The following PTPRM variants were observed in gnomAD, a reference collection of about 807,000 sequenced individuals.
PTPRM encodes protein tyrosine phosphatase receptor type M.
PTPRM carries 47 observed loss-of-function variants against 186.7 expected under a neutral mutation model. The observed-to-expected ratio is 0.25, with a 90% CI of 0.20 to 0.32. PTPRM has a LOEUF of 0.32. Ranked by LOEUF, PTPRM falls within the 10% of genes least tolerant of loss-of-function variation. The pLI, the probability that PTPRM is intolerant of heterozygous loss-of-function variation, is 1.00. For missense variants in PTPRM, 1,494 were observed against 1,865.0 expected, an observed-to-expected ratio of 0.80 and a Z score of 3.66; for synonymous variants, 668 against 674.9, an observed-to-expected ratio of 0.99 and a Z score of 0.16.
chr18:7,625,155 A>C (rs2038031035), intron 1 of PTPRM, among the ~76,000 whole-genome samples: 1 of 152,356 alleles, frequency 6.6e-6, no homozygotes, highest in East Asian at 1.9e-4. Flanking sequence ...AAGCTTTTAG[A>C]AGACTAAGAA....
At chr18:8,153,360 C>T (rs1040181274) in intron 14 of PTPRM, among the ~76,000 whole-genome samples, 7 of 152,064 alleles carry the variant, frequency 4.6e-5, no homozygotes, top group East Asian at 1.9e-4. Context: ...CTCTGGTAGT[C>T]GTTGAGGTTA....
At chr18:7,988,297 A>G (rs1033330815) in intron 7 of PTPRM, among the ~76,000 whole-genome samples, 15 of 152,224 alleles carry the variant, frequency 9.9e-5, no homozygotes, top group Non-Finnish European at 1.9e-4. Context: ...AGTTTTTGGT[A>G]AAATTAACAT....
At chr18:7,639,407 A>T (rs2038393837) in intron 1 of PTPRM, among the ~76,000 whole-genome samples, 2 of 133,502 alleles carry the variant, frequency 1.5e-5, no homozygotes, top group African/African-American at 3.0e-5. Flanking sequence ...TTTTTTTGAG[A>T]TGAAGTCTCG....
intron 7 of PTPRM, among the ~76,000 whole-genome samples, chr18:8,049,962 C>T (rs978116254): frequency 2.6e-5 from 4 of 152,118 alleles, no homozygotes; most frequent in Non-Finnish European, 4.4e-5. Flanking sequence ...CCACCCACCT[C>T]GGCCTCCCAA....
intron 1 of PTPRM, among the ~76,000 whole-genome samples, chr18:7,608,698 G>A (rs376486404): frequency 9.2e-5 from 14 of 152,256 alleles, no homozygotes; most frequent in African/African-American, 2.2e-4. Context: ...CCATTCTTGC[G>A]TCCCATTCTT....
At chr18:7,994,535 G>A (rs754829794) in intron 7 of PTPRM, among the ~76,000 whole-genome samples, 4 of 152,012 alleles carry the variant, frequency 2.6e-5, no homozygotes, top group African/African-American at 9.7e-5. Flanking sequence ...CCTTCTTCTC[G>A]TCAGCACGTG....
rs1475535470 is a variant in PTPRM, at chr18:8,146,202, T to C, written c.2300+2423T>C. On this transcript the variant is annotated intron_variant, in intron 14 of 32. Coordinates refer to ENST00000580170, the MANE Select transcript of PTPRM (RefSeq NM_001105244.2). ...TGCCACCACGCTAATTTTTGTATTT[T>C]TAGTAGAGACAGGGTTTCTCCATGT... is the stretch of plus-strand genomic sequence containing the variant. 3.3e-5 allele frequency among the ~76,000 whole-genome samples: 5 copies of C among 152,114 alleles called. No individual in the cohort carries two copies. In the East Asian group the frequency reaches 9.6e-4, roughly 29 times the overall value.
intron 2 of PTPRM, among the ~76,000 whole-genome samples, chr18:7,843,971 T>C (rs2046471191): frequency 6.6e-6 from 1 of 152,194 alleles, no homozygotes; most frequent in South Asian, 2.1e-4. Flanking sequence ...GGCCTCTTCA[T>C]GTGGTCTGGG....
At chr18:8,268,217 T>C (rs2094725951) in intron 19 of PTPRM, among the ~76,000 whole-genome samples, 2 of 152,266 alleles carry the variant, frequency 1.3e-5, no homozygotes, top group African/African-American at 4.8e-5. Context: ...ATTAATATGG[T>C]TTATGCCTCC....
At chr18:8,125,775 C>G (rs986928912) in intron 13 of PTPRM, among the ~76,000 whole-genome samples, 1 of 151,672 alleles carries the variant, frequency 6.6e-6, no homozygotes, top group African/African-American at 2.4e-5. Flanking sequence ...CTCTTTCTTC[C>G]TTTTATCTCG....
chr18:8,360,265 G>A (rs1410833522), intron 23 of PTPRM, among the ~76,000 whole-genome samples: 1 of 152,172 alleles, frequency 6.6e-6, no homozygotes, highest in Non-Finnish European at 1.5e-5. Flanking sequence ...CACTGAAAGT[G>A]CCTGCCACAT....
intron 26 of PTPRM, chr18:8,378,051 C>T (rs1403846790): frequency 8.0e-6 from 4 of 497,964 alleles, no homozygotes; most frequent in South Asian, 3.2e-5. Context: ...TGCTGCAGTG[C>T]GTGTGGTGGT....
chr18:7,690,936 T>A (rs1316712185), intron 1 of PTPRM, among the ~76,000 whole-genome samples: 1 of 152,176 alleles, frequency 6.6e-6, no homozygotes, highest in Non-Finnish European at 1.5e-5. Flanking sequence ...TTCTTTGGGT[T>A]TTTTTGGAAT....
chr18:8,125,821 A>G (rs1474067741), intron 13 of PTPRM, among the ~76,000 whole-genome samples: 1 of 151,692 alleles, frequency 6.6e-6, no homozygotes, highest in Non-Finnish European at 1.5e-5. Flanking sequence ...TGATTTGGGA[A>G]GAAAGTAGAA....
intron 1 of PTPRM, among the ~76,000 whole-genome samples, chr18:7,632,048 G>T (rs868492878): frequency 2.0e-5 from 3 of 152,174 alleles, no homozygotes; most frequent in Admixed American, 1.3e-4. Context: ...TCTATGCTAG[G>T]CACGTTGTGC....
chr18:7,602,913 T>TTATTAC (rs1164977005), intron 1 of PTPRM, among the ~76,000 whole-genome samples: 1 of 122,304 alleles, frequency 8.2e-6, no homozygotes, highest in East Asian at 3.0e-4. Flanking sequence ...GGAATTATTA[T>TTATTAC]TATTATTATT....
At chr18:8,042,313 C>T (rs2086744082) in intron 7 of PTPRM, among the ~76,000 whole-genome samples, 1 of 152,050 alleles carries the variant, frequency 6.6e-6, no homozygotes, top group Non-Finnish European at 1.5e-5. Context: ...CTTCACTTGA[C>T]TAAAAACGTA....
At chr18:8,264,493 G>A (rs545838995) in intron 19 of PTPRM, among the ~76,000 whole-genome samples, 4 of 152,158 alleles carry the variant, frequency 2.6e-5, no homozygotes, top group Admixed American at 1.3e-4. Flanking sequence ...ACACCAGGCC[G>A]GGCGTGGTGG....
At chr18:7,615,490 C>G (rs2037780600) in intron 1 of PTPRM, among the ~76,000 whole-genome samples, 1 of 152,094 alleles carries the variant, frequency 6.6e-6, no homozygotes, top group Non-Finnish European at 1.5e-5. Flanking sequence ...GGTCCATTCC[C>G]CAGTACCTCT....
Sources: gnomAD v4.1 joint callset for allele counts (sites outside exome capture counted in the v4.1 genomes callset) on GRCh38, gnomAD v4.1.1 for gene constraint, MANE v1.5 for transcripts, NCBI Gene and HGNC (gene_info 2026-07-23, HGNC 2026-07-21) for gene names.